The following ACYP2 variants were observed in gnomAD, a reference collection of about 807,000 sequenced individuals.
ACYP2 encodes the protein acylphosphatase 2.
A neutral mutation model predicts 11.2 loss-of-function variants in ACYP2; 12 were observed. The ratio of observed to expected loss-of-function variants is 1.08; its 90% CI spans 0.69 to 1.74. The LOEUF is 1.74. ACYP2 is among the 40% of genes most tolerant of loss of function. ACYP2 has a pLI of 0.00. For synonymous variants in ACYP2, 43 were observed against 32.2 expected (o/e 1.33, Z -1.13); for missense variants, 134 against 101.9 (o/e 1.31, Z -1.35).
intron 6 of ACYP2, among the ~76,000 whole-genome samples, chr2:54,151,954 C>T (rs1352936368): frequency 6.6e-6 from 1 of 151,954 alleles, no homozygotes; most frequent in Non-Finnish European, 1.5e-5. Flanking sequence ...TGAGTGGAAA[C>T]TACAGAGAGT....
At chr2:54,227,046 G>A (rs1294532996) in intron 6 of ACYP2, among the ~76,000 whole-genome samples, 1 of 152,132 alleles carries the variant, frequency 6.6e-6, no homozygotes, top group African/African-American at 2.4e-5. Flanking sequence ...TTCTGAAGAC[G>A]TATCTGCAAG....
chr2:54,051,548 G>T, intron 3 of ACYP2: 1 of 737,064 alleles, frequency 1.4e-6, no homozygotes. Context: ...AATAAAAGGA[G>T]ATCATCTTGG....
intron 4 of ACYP2, among the ~76,000 whole-genome samples, chr2:54,063,725 T>C (rs953445761): frequency 2.0e-5 from 3 of 152,268 alleles, no homozygotes; most frequent in African/African-American, 4.8e-5. Flanking sequence ...CTATAGCTAG[T>C]TGGCTTCCTT....
At chr2:54,068,110 G>A (rs1418243544) in intron 4 of ACYP2, among the ~76,000 whole-genome samples, 2 of 152,184 alleles carry the variant, frequency 1.3e-5, no homozygotes, top group Non-Finnish European at 2.9e-5. Flanking sequence ...TGATATTTCT[G>A]TGTGGAGGGA....
intron 6 of ACYP2, among the ~76,000 whole-genome samples, chr2:54,299,579 G>C (rs1405541150): frequency 3.5e-5 from 5 of 141,650 alleles, no homozygotes; most frequent in African/African-American, 1.1e-4. Context: ...GCGACAGAGC[G>C]AGACTCTGTC....
At chr2:54,145,217 A>T (rs1172713266) in intron 6 of ACYP2, among the ~76,000 whole-genome samples, 1 of 152,206 alleles carries the variant, frequency 6.6e-6, no homozygotes, top group Admixed American at 6.5e-5. Context: ...TCTGAGAACG[A>T]GGCCTAGAAG....
At chr2:54,226,341 G>A (rs1023755921) in intron 6 of ACYP2, among the ~76,000 whole-genome samples, 1 of 152,150 alleles carries the variant, frequency 6.6e-6, no homozygotes, top group Non-Finnish European at 1.5e-5. Context: ...TGTGCATTTC[G>A]AGGCTGCAGT....
At chr2:54,248,727 A>G (rs1687073135) in intron 6 of ACYP2, among the ~76,000 whole-genome samples, 1 of 152,192 alleles carries the variant, frequency 6.6e-6, no homozygotes, top group Admixed American at 6.5e-5. Context: ...TGACTAAAAC[A>G]TCATCTTGGC....
At chr2:54,180,130 T>A (rs1036620428) in intron 6 of ACYP2, among the ~76,000 whole-genome samples, 1 of 152,182 alleles carries the variant, frequency 6.6e-6, no homozygotes, top group African/African-American at 2.4e-5. Context: ...AGGATGCAGA[T>A]TTAGAGATGC....
At chr2:54,212,042 T>C (rs1332382308) in intron 6 of ACYP2, among the ~76,000 whole-genome samples, 1 of 152,182 alleles carries the variant, frequency 6.6e-6, no homozygotes, top group African/African-American at 2.4e-5. Context: ...TCACTGTAGA[T>C]GAATGAAGGG....
intron 2 of ACYP2, among the ~76,000 whole-genome samples, chr2:54,032,683 G>A (rs1003436271): frequency 6.6e-6 from 1 of 152,146 alleles, no homozygotes; most frequent in African/African-American, 2.4e-5. Flanking sequence ...GTAGCTTGAT[G>A]GGGATGGCAT....
intron 6 of ACYP2, among the ~76,000 whole-genome samples, chr2:54,267,029 C>A (rs1382913682): frequency 2.0e-5 from 3 of 152,138 alleles, no homozygotes; most frequent in Admixed American, 6.5e-5. Context: ...ACTCTCTGAG[C>A]CATTCTCAGC....
chr2:54,180,843 CT>C (rs538674305), intron 6 of ACYP2, among the ~76,000 whole-genome samples: 116 of 152,326 alleles, frequency 7.6e-4, no homozygotes, highest in Non-Finnish European at 1.3e-3. Flanking sequence ...GCGTGAACCA[CT>C]GCGCCCAGCC....
chr2:54,052,082 A>AAAT lies in ACYP2; in HGVS notation c.155+1032_155+1033insAAT, dbSNP rs397810217. Among the ~76,000 whole-genome samples, 21 of 149,738 alleles carry AAAT rather than the reference A, an allele frequency of 1.4e-4. No homozygotes were observed. The East Asian group carries it at 4.1e-3, about 29-fold the overall frequency. ...TAAATAAATAAATAAATAAATAAAT[A>AAAT]GAGGGAAGAGGAGGAAGATGAAGAG... On this transcript the variant is annotated intron_variant, in intron 3 of 6. Transcript: ENST00000607452.
chr2:53,999,270 C>G (rs922239708), intron 2 of ACYP2, among the ~76,000 whole-genome samples: 30 of 152,092 alleles, frequency 2.0e-4, no homozygotes, highest in African/African-American at 7.0e-4. Context: ...TATGAGCCCT[C>G]AAATATACAC....
At chr2:54,240,098 A>G (rs843657) in intron 6 of ACYP2, among the ~76,000 whole-genome samples, 38,897 of 152,148 alleles carry the variant, frequency 0.26, 5,226 homozygotes, top group South Asian at 0.46. Flanking sequence ...CTCTGTAACC[A>G]TCTTATGTGA....
chr2:54,179,324 C>T (rs1333087420), intron 6 of ACYP2, among the ~76,000 whole-genome samples: 6 of 152,098 alleles, frequency 3.9e-5, no homozygotes, highest in Non-Finnish European at 8.8e-5. Context: ...ACTGGATATC[C>T]TCCAATTCAG....
intron 2 of ACYP2, among the ~76,000 whole-genome samples, chr2:54,004,527 C>T (rs1213929320): frequency 5.3e-5 from 8 of 150,636 alleles, no homozygotes; most frequent in Non-Finnish European, 1.0e-4. Flanking sequence ...TCTCCTGCCT[C>T]AGCCTTCCAA....
chr2:54,050,775 TTTTA>T (rs1029078615), intron 2 of ACYP2, among the ~76,000 whole-genome samples: 7 of 152,078 alleles, frequency 4.6e-5, no homozygotes, highest in African/African-American at 1.7e-4. Flanking sequence ...CTTTTTAAAA[TTTTA>T]TTTATTTATT....
Sources: allele counts gnomAD v4.1 joint callset (sites outside exome capture counted in the v4.1 genomes callset), GRCh38; gene constraint gnomAD v4.1.1; transcripts MANE v1.5; gene names NCBI Gene and HGNC (gene_info 2026-07-23, HGNC 2026-07-21).